The following C2CD5 variants were observed in gnomAD, a reference collection of about 807,000 sequenced individuals.
C2CD5 encodes C2 domain-containing protein 5.
A neutral mutation model predicts 130.3 loss-of-function variants in C2CD5; 109 were observed. That is an observed-to-expected ratio of 0.84 (90% CI 0.72 to 0.98). The LOEUF (loss-of-function observed/expected upper bound fraction) is 0.98. Ranked by LOEUF, C2CD5 falls within the 50% of genes least tolerant of loss-of-function variation. The pLI, the probability that C2CD5 is intolerant of heterozygous loss-of-function variation, is 0.00. For synonymous variants in C2CD5, 454 were observed against 429.2 expected, an observed-to-expected ratio of 1.06 and a Z score of -0.71; for missense variants, 996 against 1,261.8, an observed-to-expected ratio of 0.79 and a Z score of 3.19.
intron 26 of C2CD5, among the ~76,000 whole-genome samples, chr12:22,452,660 G>A (rs764774288): frequency 6.6e-6 from 1 of 152,204 alleles, no homozygotes; most frequent in Non-Finnish European, 1.5e-5. Flanking sequence ...TGTTAATGAA[G>A]TTTAGTATAC....
intron 22 of C2CD5, among the ~76,000 whole-genome samples, chr12:22,460,284 AT>A (rs1160659188): frequency 1.3e-5 from 2 of 152,226 alleles, no homozygotes; most frequent in Admixed American, 6.5e-5. Context: ...TTCTACCCAC[AT>A]TAGAATATTT....
intron 7 of C2CD5, among the ~76,000 whole-genome samples, chr12:22,520,305 T>C (rs1950160211): frequency 6.6e-6 from 1 of 152,170 alleles, no homozygotes; most frequent in Non-Finnish European, 1.5e-5. Flanking sequence ...CAACTTTACC[T>C]GATCTTTTCT....
intron 15 of C2CD5, 83 bp downstream of exon 15, chr12:22,478,229 AT>A (rs1565687305): frequency 8.9e-7 from 1 of 1,124,958 alleles, no homozygotes; most frequent in Non-Finnish European, 1.3e-6. Context: ...TGAAAAAAAA[AT>A]CTTGTGTCCT....
At chr12:22,476,106 C>T (rs1220518013) in intron 15 of C2CD5, among the ~76,000 whole-genome samples, 2 of 152,106 alleles carry the variant, frequency 1.3e-5, no homozygotes, top group Non-Finnish European at 2.9e-5. Flanking sequence ...GAGAGATGTG[C>T]ATCTTATTTT....
rs1352168235 is a variant in C2CD5 at position 22,518,805 on chromosome 12, T to C, written c.801-668A>G. On this transcript the variant is annotated intron_variant, in intron 7 of 26. Coordinates refer to ENST00000446597, the MANE Select transcript of C2CD5 (RefSeq NM_001286176.2). ...ATCATCAATTTTATTTTTAAACAAA[T>C]GCAGAAATAATTATAAAAATATATA... is the stretch of plus-strand genomic sequence containing the variant. Among the ~76,000 whole-genome samples, 3 of 152,208 alleles carry C rather than the reference T, an allele frequency of 2.0e-5. No homozygotes were observed. In the East Asian group the frequency reaches 5.8e-4, roughly 29 times the overall value.
At chr12:22,461,330 G>A (rs932058677) in intron 22 of C2CD5, among the ~76,000 whole-genome samples, 1 of 152,080 alleles carries the variant, frequency 6.6e-6, no homozygotes, top group African/African-American at 2.4e-5. Flanking sequence ...TTTTTAAACT[G>A]CAGGGGAAAG....
intron 18 of C2CD5, 34 bp downstream of exon 18, chr12:22,472,252 G>A (rs772156840): frequency 2.2e-5 from 27 of 1,233,998 alleles, no homozygotes; most frequent in Non-Finnish European, 3.0e-5. Flanking sequence ...TAACTTATGT[G>A]TTATGTGCTT....
intron 12 of C2CD5, among the ~76,000 whole-genome samples, chr12:22,487,018 T>C (rs975140551): frequency 2.6e-5 from 4 of 152,062 alleles, no homozygotes; most frequent in Non-Finnish European, 4.4e-5. Context: ...AAAGCTGAAA[T>C]TGGATCCCTT....
intron 22 of C2CD5, chr12:22,460,551 A>G (rs1055315386): frequency 6.6e-6 from 1 of 152,116 alleles, no homozygotes; most frequent in Non-Finnish European, 1.5e-5. Flanking sequence ...TGAAAATACA[A>G]TGCAAGTATC....
chr12:22,525,324 C>T (rs1950629215), intron 5 of C2CD5, among the ~76,000 whole-genome samples: 1 of 152,128 alleles, frequency 6.6e-6, no homozygotes, highest in African/African-American at 2.4e-5. Flanking sequence ...TGGGACAGCA[C>T]CATAGTGCTT....
intron 8 of C2CD5, among the ~76,000 whole-genome samples, chr12:22,516,693 G>A (rs1452204012): frequency 6.6e-6 from 1 of 151,448 alleles, no homozygotes; most frequent in Non-Finnish European, 1.5e-5. Flanking sequence ...GGAATATGCA[G>A]TCTGTGGACC....
At chr12:22,500,451 C>A (rs1947620892) in intron 10 of C2CD5, among the ~76,000 whole-genome samples, 1 of 152,168 alleles carries the variant, frequency 6.6e-6, no homozygotes, top group Non-Finnish European at 1.5e-5. Context: ...CTATGTGATT[C>A]TCCCATCTAT....
intron 5 of C2CD5, among the ~76,000 whole-genome samples, 169 bp downstream of exon 5, chr12:22,525,441 T>C (rs1950639138): frequency 6.6e-6 from 1 of 152,226 alleles, no homozygotes; most frequent in Admixed American, 6.5e-5. Flanking sequence ...AGATATCATT[T>C]ATACTCAAAT....
At chr12:22,480,351 G>A (rs1005555827) in intron 14 of C2CD5, among the ~76,000 whole-genome samples, 11 of 152,130 alleles carry the variant, frequency 7.2e-5, no homozygotes, top group African/African-American at 2.7e-4. Flanking sequence ...GAATAGCACA[G>A]TGCCAGACAC....
At chr12:22,501,150 A>T (rs1452006138) in intron 10 of C2CD5, among the ~76,000 whole-genome samples, 1 of 152,174 alleles carries the variant, frequency 6.6e-6, no homozygotes, top group Non-Finnish European at 1.5e-5. Context: ...GATTCTAATT[A>T]ATCAAAAGCA....
intron 5 of C2CD5, 82 bp from the exon 6 acceptor site, chr12:22,524,709 C>T: frequency 3.3e-6 from 3 of 920,156 alleles, no homozygotes; most frequent in South Asian, 3.1e-5. Context: ...ATTTTCTGAC[C>T]TTTAGATACA....
chr12:22,542,094 C>T (rs377526786), intron 2 of C2CD5, among the ~76,000 whole-genome samples: 16 of 152,334 alleles, frequency 1.1e-4, no homozygotes, highest in African/African-American at 3.4e-4. Context: ...TATTCCCATT[C>T]CCACATATTA....
rs76639840 is a variant in C2CD5, at chr12:22,457,358, G to C, written c.2687-197C>G. Among the ~76,000 whole-genome samples, 491 of 152,276 alleles carry C rather than the reference G, an allele frequency of 3.2e-3. 1 individual carries two copies. Among genetic ancestry groups the C allele is most frequent in the Non-Finnish European group, 5.2e-3 (351 of 68,012 alleles). On this transcript the variant is annotated intron_variant, in intron 24 of 26. Transcript: ENST00000446597. ...AAACATGAGAGGAAATGCTGGAATG[G>C]AATTCTTTTGGAAGAAAAATGGCAT...
intron 7 of C2CD5, 43 bp downstream of exon 7, chr12:22,523,383 G>A (rs200383433): frequency 1.4e-6 from 2 of 1,478,002 alleles, no homozygotes; most frequent in East Asian, 2.3e-5. Flanking sequence ...ATAGATAAAA[G>A]ATAAAAATCT....
Sources: allele counts gnomAD v4.1 joint callset (sites outside exome capture counted in the v4.1 genomes callset), GRCh38; gene constraint gnomAD v4.1.1; transcripts MANE v1.5; gene names NCBI Gene and HGNC (gene_info 2026-07-23, HGNC 2026-07-21).